AK8: variants seen among roughly 807,000 people sequenced by gnomAD.
AK8 encodes adenylate kinase 8, also known as ATP-AMP transphosphorylase 8.
A neutral mutation model predicts 54.6 loss-of-function variants in AK8; 44 were observed. That is an observed-to-expected ratio of 0.81 (90% CI 0.63 to 1.04). The LOEUF (loss-of-function observed/expected upper bound fraction) is 1.04, where lower values mean the gene tolerates loss of function less well. Among genes scored for constraint, AK8 ranks in the 50% least tolerant of loss-of-function variants. The pLI is 0.00. For missense variants in AK8, 555 were observed against 613.6 expected (o/e 0.90, Z 1.01); for synonymous variants, 239 against 245.6 (o/e 0.97, Z 0.25).
rs1176289120 is a variant in AK8, at chr9:132,860,707, T to C, written c.333+2958A>G. Among the ~76,000 whole-genome samples, 1 of 152,210 alleles carries C rather than the reference T, an allele frequency of 6.6e-6. No individual in the cohort carries two copies. Among genetic ancestry groups the C allele is most frequent in the Non-Finnish European group, 1.5e-5 (1 of 68,044 alleles). On this transcript the variant is annotated intron_variant, in intron 4 of 12. Transcript: ENST00000298545. This position sits in a 1 kb window ranked among gnomAD's most constrained non-coding sequence, Gnocchi z 4.4. ...CATTTGGGATAGGTGGCTATAGGGA[T>C]GACTTAGTTCAGCTTCCTGGACTAT... is the stretch of plus-strand genomic sequence containing the variant.
chr9:132,761,894 G>C (rs1838491551), intron 11 of AK8, among the ~76,000 whole-genome samples: 2 of 150,348 alleles, frequency 1.3e-5, no homozygotes, highest in Non-Finnish European at 3.0e-5. Context: ...TTTAGAGACA[G>C]AGTCTTGTTC....
At chr9:132,802,143 C>T (rs564350894) in intron 10 of AK8, among the ~76,000 whole-genome samples, 1 of 152,360 alleles carries the variant, frequency 6.6e-6, no homozygotes, top group Admixed American at 6.5e-5. Flanking sequence ...CCCTGTGTGG[C>T]ACCCGATGTC....
intron 11 of AK8, among the ~76,000 whole-genome samples, chr9:132,740,976 CCA>C (rs1564375578): frequency 6.6e-6 from 1 of 152,116 alleles, no homozygotes; most frequent in Non-Finnish European, 1.5e-5. Flanking sequence ...GGTCCTATCC[CCA>C]GTCAGGACCC....
chr9:132,802,136 T>G (rs985487428), intron 10 of AK8, among the ~76,000 whole-genome samples: 2 of 152,218 alleles, frequency 1.3e-5, no homozygotes, highest in South Asian at 4.1e-4. Context: ...GGTAGGCCCC[T>G]GTGTGGCACC....
chr9:132,878,296 T>G, upstream of AK8: 1 of 1,321,488 alleles, frequency 7.6e-7, no homozygotes, highest in African/African-American at 1.5e-5. The surrounding 1 kb of genome is among the most constrained non-coding windows in gnomAD (Gnocchi z 4.7). Context: ...ACCGCGTCGC[T>G]AGGGCCGCCG....
chr9:132,825,772 G>A (rs951289988), intron 8 of AK8, among the ~76,000 whole-genome samples: 16 of 152,164 alleles, frequency 1.1e-4, no homozygotes, highest in Non-Finnish European at 2.1e-4. Flanking sequence ...CCACTTCCCC[G>A]GCAAAACAGG....
intron 11 of AK8, among the ~76,000 whole-genome samples, chr9:132,778,209 TAA>T (rs2131115902): frequency 6.6e-6 from 1 of 152,324 alleles, no homozygotes; most frequent in South Asian, 2.1e-4. Flanking sequence ...CCATGTCTGG[TAA>T]ACTCTCGGAT....
At chr9:132,869,040 CG>C (rs1398742450) in intron 2 of AK8, among the ~76,000 whole-genome samples, 1 of 152,064 alleles carries the variant, frequency 6.6e-6, no homozygotes, top group Non-Finnish European at 1.5e-5. Context: ...ATTAGACAGG[CG>C]TGGTGGCACA....
At chr9:132,762,557 C>T (rs946901215) in intron 11 of AK8, among the ~76,000 whole-genome samples, 5 of 152,072 alleles carry the variant, frequency 3.3e-5, no homozygotes, top group African/African-American at 1.2e-4. Flanking sequence ...AAAATAAATA[C>T]AGGAGTGAGT....
intron 11 of AK8, among the ~76,000 whole-genome samples, chr9:132,734,172 G>C (rs933681948): frequency 6.6e-6 from 1 of 152,196 alleles, no homozygotes; most frequent in Non-Finnish European, 1.5e-5. Flanking sequence ...TATCTGGAAG[G>C]CTTGCGTAAA....
intron 4 of AK8, among the ~76,000 whole-genome samples, chr9:132,858,760 G>T (rs893153155): frequency 6.6e-6 from 1 of 152,182 alleles, no homozygotes; most frequent in East Asian, 1.9e-4. Flanking sequence ...GAGTTTGGGA[G>T]GGGGAGACAG....
At chr9:132,749,903 G>C (rs1317223618) in intron 11 of AK8, among the ~76,000 whole-genome samples, 1 of 149,748 alleles carries the variant, frequency 6.7e-6, no homozygotes, top group South Asian at 2.2e-4. Flanking sequence ...TGGGGTGGGC[G>C]TGCACTTGCC....
intron 11 of AK8, among the ~76,000 whole-genome samples, chr9:132,738,015 G>C (rs1188298362): frequency 6.6e-6 from 1 of 151,946 alleles, no homozygotes; most frequent in Non-Finnish European, 1.5e-5. Flanking sequence ...TGTGCTAAGT[G>C]CTAAATAAAT....
intron 9 of AK8, among the ~76,000 whole-genome samples, chr9:132,821,718 T>C (rs1255442465): frequency 7.2e-6 from 1 of 139,460 alleles, no homozygotes; most frequent in Non-Finnish European, 1.6e-5. Flanking sequence ...TACATTTGTA[T>C]GTATATACAT....
intron 11 of AK8, among the ~76,000 whole-genome samples, chr9:132,776,210 G>T (rs1416710830): frequency 6.6e-6 from 1 of 152,156 alleles, no homozygotes; most frequent in African/African-American, 2.4e-5. Flanking sequence ...CAACTCTAGG[G>T]GTGGTGGGCT....
rs562952692 is a variant in AK8, at chr9:132,730,613, G to A, written c.1122-3079C>T. Among the ~76,000 whole-genome samples, 3 of 152,216 alleles carry A rather than the reference G, an allele frequency of 2.0e-5. No individual in the cohort carries two copies. The East Asian group carries it at 5.8e-4, about 29-fold the overall frequency. ...ATGCCTATGCCCCTTGCCCAGAACT[G>A]CTCAGTCAGGGGCATTGGAGGGAGC... is the stretch of plus-strand genomic sequence containing the variant. On this transcript the variant is annotated intron_variant, in intron 11 of 12. Coordinates refer to ENST00000298545, the MANE Select transcript of AK8 (RefSeq NM_152572.3).
intron 11 of AK8, among the ~76,000 whole-genome samples, chr9:132,760,715 G>A (rs1399199456): frequency 1.3e-5 from 2 of 151,978 alleles, no homozygotes. Flanking sequence ...CTATAGTTTG[G>A]GAAGGTATCT....
intron 1 of AK8, 21 bp from the exon 2 acceptor site, chr9:132,875,220 C>T (rs375736487): frequency 1.9e-6 from 3 of 1,613,436 alleles, no homozygotes; most frequent in South Asian, 1.1e-5. Flanking sequence ...AGGGCAGACA[C>T]CCAGGTGGTT....
At chr9:132,845,262 A>G (rs761672874) in intron 5 of AK8, among the ~76,000 whole-genome samples, 2 of 152,226 alleles carry the variant, frequency 1.3e-5, no homozygotes, top group Non-Finnish European at 2.9e-5. Flanking sequence ...CAGTCAATAT[A>G]TTATTTATAA....
Sources: allele counts gnomAD v4.1 joint callset (sites outside exome capture counted in the v4.1 genomes callset), GRCh38; gene constraint gnomAD v4.1.1; non-coding constraint Gnocchi (gnomAD v3.1); transcripts MANE v1.5; gene names NCBI Gene and HGNC (gene_info 2026-07-23, HGNC 2026-07-21).